Variants in PCDHGA2 observed in about 807,000 individuals in gnomAD.
The protein encoded by PCDHGA2 is protocadherin gamma subfamily A, 2.
Under a neutral mutation model 59.2 loss-of-function variants are expected in PCDHGA2, and 40 were observed. That is an observed-to-expected ratio of 0.68 (90% CI 0.52 to 0.88). PCDHGA2 has a LOEUF of 0.88. PCDHGA2 is among the 40% of genes least tolerant of loss of function. PCDHGA2 has a pLI of 0.00. For synonymous variants in PCDHGA2, 560 were observed against 526.0 expected (o/e 1.06, Z -0.89); for missense variants, 1,226 against 1,204.0 (o/e 1.02, Z -0.27).
Position 141,489,730 on chromosome 5 carries a change from A to G in PCDHGA2, c.2425-5077A>G. The stretch of plus-strand genomic sequence containing the variant: ...CAGTGCCCAGGATCCGGATGTGGGC[A>G]CCAATACTGTGAGCTTTTACACTCT... On this transcript the variant is annotated intron_variant, in intron 1 of 3. Coordinates refer to ENST00000394576, the MANE Select transcript of PCDHGA2 (RefSeq NM_018915.4). This position sits in a 1 kb window ranked among gnomAD's most constrained non-coding sequence, Gnocchi z 4.5. 6.2e-7 allele frequency: 1 copy of G among 1,614,182 alleles called. No homozygotes were observed. Among genetic ancestry groups the G allele is most frequent in the Non-Finnish European group, 8.5e-7 (1 of 1,180,020 alleles).
chr5:141,364,635 G>T, intron 1 of PCDHGA2: 1 of 1,614,158 alleles, frequency 6.2e-7, no homozygotes, highest in South Asian at 1.1e-5. Context: ...AGCCCACTGT[G>T]TGTGGTGAAC....
chr5:141,383,346 G>A, intron 1 of PCDHGA2: 3 of 1,614,018 alleles, frequency 1.9e-6, no homozygotes, highest in Non-Finnish European at 2.5e-6. Context: ...CAGCTCCTGG[G>A]GTTCGGTTTC....
chr5:141,390,526 T>C, intron 1 of PCDHGA2: 1 of 548,274 alleles, frequency 1.8e-6, no homozygotes, highest in East Asian at 3.2e-5. Context: ...AATGAGGGTG[T>C]GGTTTTAACC....
At chr5:141,383,532 C>T (rs1249909520) in intron 1 of PCDHGA2, 4 of 1,612,320 alleles carry the variant, frequency 2.5e-6, no homozygotes, top group Non-Finnish European at 3.4e-6. Context: ...ACCACCTGGT[C>T]CTCACAGCCT....
chr5:141,492,125 C>T (rs1284932830), intron 1 of PCDHGA2, among the ~76,000 whole-genome samples: 1 of 152,222 alleles, frequency 6.6e-6, no homozygotes, highest in Non-Finnish European at 1.5e-5. Context: ...TTCTCCCCAG[C>T]TCCCAGCATC....
chr5:141,347,057 T>G (rs1299056718), intron 1 of PCDHGA2, among the ~76,000 whole-genome samples: 2 of 135,096 alleles, frequency 1.5e-5, no homozygotes, highest in Non-Finnish European at 3.2e-5. Context: ...CTTTCCTCCT[T>G]CCTTCCTTCC....
chr5:141,343,595 C>A (rs1757299390), intron 1 of PCDHGA2, among the ~76,000 whole-genome samples: 1 of 152,170 alleles, frequency 6.6e-6, no homozygotes, highest in African/African-American at 2.4e-5. Flanking sequence ...ATATTGGTGG[C>A]ATTAAGGTTA....
rs368884524 is a variant in PCDHGA2 at position 141,409,933 on chromosome 5, G to A, written c.2424+68538G>A. On this transcript the variant is annotated intron_variant, in intron 1 of 3. Coordinates refer to ENST00000394576, the MANE Select transcript of PCDHGA2 (RefSeq NM_018915.4). ...CTGACGGCTCCGCGTTCTTCGATAT[G>A]GTACCTCGCTCTGCAGAGCCCGGCT... 50 of 1,613,236 alleles carry A rather than the reference G, an allele frequency of 3.1e-5. No homozygotes were observed. The highest frequency in any genetic ancestry group is 4.1e-5 in the Non-Finnish European group (48 of 1,179,790).
At chr5:141,370,902 T>A in intron 1 of PCDHGA2, 1 of 1,614,046 alleles carries the variant, frequency 6.2e-7, no homozygotes, top group South Asian at 1.1e-5. Flanking sequence ...GCTGCAGCAG[T>A]ACTACCTCAG....
At chr5:141,414,677 AG>A in intron 1 of PCDHGA2, 1 of 1,613,794 alleles carries the variant, frequency 6.2e-7, no homozygotes, top group Non-Finnish European at 8.5e-7. Context: ...GACACCATCC[AG>A]GGGGTACCTC....
rs770401080 is a variant in PCDHGA2, at chr5:141,350,683, G to A, written c.2424+9288G>A. On this transcript the variant is annotated intron_variant, in intron 1 of 3. Transcript: ENST00000394576. The stretch of plus-strand genomic sequence containing the variant: ...AAGGCATTGACTTAGAAATTTGTGA[G>A]TCAGCCTTACCCGGGGTAAAATTCT... The A allele has an allele frequency of 1.0e-4, 166 of 1,613,996 alleles. 3 individuals carry two copies. The South Asian group carries it at 1.8e-3, about 17-fold the overall frequency.
At chr5:141,366,687 A>C in intron 1 of PCDHGA2, 1 of 1,614,248 alleles carries the variant, frequency 6.2e-7, no homozygotes, top group Non-Finnish European at 8.5e-7. Context: ...GAGAGCTGTG[A>C]GAAAAGCGAG....
At chr5:141,398,957 T>G (rs1307112913) in intron 1 of PCDHGA2, 1 of 1,613,868 alleles carries the variant, frequency 6.2e-7, no homozygotes, top group South Asian at 1.1e-5. Context: ...AACTCAGAAA[T>G]TACTTATTCC....
chr5:141,375,766 G>A, intron 1 of PCDHGA2: 2 of 1,614,270 alleles, frequency 1.2e-6, no homozygotes, highest in Non-Finnish European at 1.7e-6. Flanking sequence ...ATGCGCCCGA[G>A]ATCCTGTACC....
At chr5:141,457,550 A>G (rs1331411755) in intron 1 of PCDHGA2, among the ~76,000 whole-genome samples, 1 of 152,230 alleles carries the variant, frequency 6.6e-6, no homozygotes, top group Non-Finnish European at 1.5e-5. Flanking sequence ...CAAATGTATG[A>G]TAAGCTTTGG....
rs374575578 is a variant in PCDHGA2 at position 141,409,643 on chromosome 5, T to G, written c.2424+68248T>G. 4.3e-6 allele frequency: 7 copies of G among 1,613,620 alleles called. No homozygotes were observed. The African/African-American group carries it at 8.0e-5, about 18-fold the overall frequency. ...GCAAGTGAGCGCCTCTGACCCGGAT[T>G]TGGGGCTCAATGGCCACATCTCCTA... On this transcript the variant is annotated intron_variant, in intron 1 of 3. Coordinates refer to ENST00000394576, the MANE Select transcript of PCDHGA2 (RefSeq NM_018915.4).
chr5:141,405,459 A>G (rs553327050), intron 1 of PCDHGA2: 1 of 1,229,452 alleles, frequency 8.1e-7, no homozygotes, highest in African/African-American at 1.5e-5. Context: ...TTACTCTGTT[A>G]CCCAGGCTGG....
At chr5:141,404,167 G>A (rs2094493296) in intron 1 of PCDHGA2, 1 of 1,612,946 alleles carries the variant, frequency 6.2e-7, no homozygotes, top group South Asian at 1.1e-5. Flanking sequence ...ACAGATTGTT[G>A]ACGGCCCAAA....
In PCDHGA2 at chr5:141,390,005, G is replaced by A. The variant is rs886109174; in HGVS notation, c.2424+48610G>A. 2.5e-6 allele frequency: 4 copies of A among 1,613,860 alleles called. No individual in the cohort carries two copies. In the African/African-American group the frequency reaches 5.3e-5, roughly 22 times the overall value. ...TGCTCTTCCTCGTGGCCATGATTCT[G>A]GCCATTGCCTTGCGCCTGCGACGCT... On this transcript the variant is annotated intron_variant, in intron 1 of 3. Coordinates refer to ENST00000394576, the MANE Select transcript of PCDHGA2 (RefSeq NM_018915.4).
Sources: allele counts gnomAD v4.1 joint callset (sites outside exome capture counted in the v4.1 genomes callset), GRCh38; gene constraint gnomAD v4.1.1; non-coding constraint Gnocchi (gnomAD v3.1); transcripts MANE v1.5; gene names NCBI Gene and HGNC (gene_info 2026-07-23, HGNC 2026-07-21).